The following TRPM2 variants were observed in gnomAD, a reference collection of about 807,000 sequenced individuals.
TRPM2 encodes the protein estrogen-responsive element-associated gene 1 protein.
In TRPM2, 161 loss-of-function variants were observed where a neutral mutation model predicts 174.0. The observed-to-expected ratio is 0.93, with a 90% CI of 0.81 to 1.05. The LOEUF (loss-of-function observed/expected upper bound fraction) is 1.05. Among genes scored for constraint, TRPM2 ranks in the 50% least tolerant of loss-of-function variants. The pLI is 0.00. For missense variants in TRPM2, 2,057 were observed against 2,038.0 expected (o/e 1.01, Z -0.18); for synonymous variants, 954 against 861.3 (o/e 1.11, Z -1.88).
chr21:44,435,003 G>C, intron 27 of TRPM2, 128 bp from the exon 28 acceptor site: 1 of 860,854 alleles, frequency 1.2e-6, no homozygotes, highest in Non-Finnish European at 1.9e-6. Context: ...GGTCTCTAAA[G>C]AAGCCTGCAT....
Position 44,440,836 on chromosome 21 carries a change from G to T in TRPM2, c.4317G>T (p.Trp1439Cys). 6.2e-7 allele frequency: 1 copy of T among 1,613,990 alleles called. No individual in the cohort carries two copies. The highest frequency in any genetic ancestry group is 8.5e-7 in the Non-Finnish European group (1 of 1,179,998). ...ACCCGAGGAACACGGACAATGCCTG[G>T]ATCGAGACGGTGGCCGTCAGCGTCC... is the stretch of plus-strand genomic sequence containing the variant. ...MDDPRNTDNAWIETVAVSVHF... is the reference protein window; with the variant it reads ...MDDPRNTDNACIETVAVSVHF... Residue 1439 changes from tryptophan (W) to cysteine (C), a missense_variant, in exon 31 of 32, where the codon TGG becomes TGT. By Grantham distance (215) the Trp-to-Cys change is radical. Transcript: ENST00000397928.
intron 27 of TRPM2, among the ~76,000 whole-genome samples, chr21:44,427,378 C>T (rs761109906): frequency 2.0e-5 from 3 of 152,104 alleles, no homozygotes; most frequent in Non-Finnish European, 1.5e-5. Context: ...TGTCTGTGTA[C>T]GTGGGGATGG....
rs765279384 is a variant in TRPM2 at position 44,369,163 on chromosome 21, T to C, written c.605-14T>C. 1.3e-6 allele frequency: 2 copies of C among 1,592,096 alleles called. No homozygotes were observed. Among genetic ancestry groups the C allele is most frequent in the Non-Finnish European group, 1.7e-6 (2 of 1,168,462 alleles). ...CAGTGCTGTGGGGCCTGCCCACCCG[T>C]GCTCCTTCCCCAGGGGCCTGGATCA... On this transcript the variant is annotated splice_polypyrimidine_tract_variant and intron_variant, in intron 4 of 31. Transcript: ENST00000397928.
chr21:44,441,981 T>A lies in TRPM2; in HGVS notation c.*164T>A. 9.4e-7 allele frequency: 1 copy of A among 1,065,336 alleles called. No individual in the cohort carries two copies. The highest frequency in any genetic ancestry group is 1.3e-6 in the Non-Finnish European group (1 of 793,690). 66.0% of individuals were successfully genotyped at this position (1,065,336 alleles called of 1,614,324 possible). A position where few individuals can be genotyped will look rare whatever the true frequency, so the allele number is the denominator to read the frequency against. On this transcript the variant is annotated 3_prime_UTR_variant, in exon 32 of 32. Transcript: ENST00000397928. ...ACGGCTGCCGCAAGTCTGCTGCAGA[T>A]GACCTCATGAACTGGAAGGGGTCAA... is the stretch of plus-strand genomic sequence containing the variant.
intron 12 of TRPM2, among the ~76,000 whole-genome samples, chr21:44,395,915 G>A (rs866252765): frequency 7.0e-5 from 4 of 57,096 alleles, no homozygotes; most frequent in South Asian, 8.1e-4. Context: ...GGGGTGTGGA[G>A]GCTGTGGAGG....
In TRPM2 at chr21:44,397,942, C is replaced by T; in HGVS notation, c.2062+66C>T. 7 of 1,482,954 alleles carry T rather than the reference C, an allele frequency of 4.7e-6. No individual in the cohort carries two copies. In the South Asian group the frequency reaches 1.0e-4, roughly 21 times the overall value. 91.9% of individuals were successfully genotyped at this position (1,482,954 alleles called of 1,614,324 possible). A position where few individuals can be genotyped will look rare whatever the true frequency, so the allele number is the denominator to read the frequency against. ...CGTGCATGCCCTCACCTGGAGTTCC[C>T]ATCCCTGGGTCTCAGCCCCATGTGC... On this transcript the variant is annotated intron_variant, in intron 13 of 31. Coordinates refer to ENST00000397928, the MANE Select transcript of TRPM2 (RefSeq NM_003307.4).
At chr21:44,426,927 G>A in intron 26 of TRPM2, 83 bp from the exon 27 acceptor site, 10 of 1,443,278 alleles carry the variant, frequency 6.9e-6, no homozygotes, top group Admixed American at 2.1e-5. Context: ...CTGGGCCCTT[G>A]GTGGGGGGGT....
At chr21:44,400,429 C>A in intron 15 of TRPM2, 58 bp downstream of exon 15, 1 of 1,461,130 alleles carries the variant, frequency 6.8e-7, no homozygotes, top group Non-Finnish European at 9.4e-7. Context: ...GGGAGAGGCT[C>A]CTGGGGGCTC....
intron 24 of TRPM2, chr21:44,425,168 CG>C: frequency 1.8e-6 from 1 of 543,554 alleles, no homozygotes; most frequent in Non-Finnish European, 3.3e-6. Flanking sequence ...TGGACGTCCA[CG>C]GGGAGGCCTG....
chr21:44,369,538 T>G (rs1382699354), intron 5 of TRPM2, among the ~76,000 whole-genome samples, 195 bp downstream of exon 5: 1 of 66,152 alleles, frequency 1.5e-5, no homozygotes, highest in South Asian at 5.3e-4. Flanking sequence ...GGGGAGCAGG[T>G]GGAGTGTGCG....
intron 2 of TRPM2, among the ~76,000 whole-genome samples, chr21:44,361,070 C>T (rs569498288): frequency 3.3e-5 from 5 of 152,286 alleles, no homozygotes; most frequent in African/African-American, 7.2e-5. Context: ...TGGAATCATA[C>T]GCTACATGAC....
chr21:44,390,219 A>G (rs1481266284), intron 9 of TRPM2, among the ~76,000 whole-genome samples: 2 of 152,134 alleles, frequency 1.3e-5, no homozygotes, highest in African/African-American at 2.4e-5. Context: ...GTCATAGCTA[A>G]GAGATCTCTG....
chr21:44,392,004 G>A (rs370551133), intron 11 of TRPM2, among the ~76,000 whole-genome samples: 38 of 151,908 alleles, frequency 2.5e-4, no homozygotes, highest in Admixed American at 1.4e-3. Flanking sequence ...TCACTCTGTC[G>A]TCCAGGCTGG....
At chr21:44,425,449 GGCAGGT>G in intron 24 of TRPM2, 1 of 478,800 alleles carries the variant, frequency 2.1e-6, no homozygotes, top group Non-Finnish European at 3.6e-6. Flanking sequence ...TGCACAAAGA[GGCAGGT>G]GCCGGCGGGG....
At position 44,437,154 on chromosome 21, in the gene TRPM2, G is replaced by A. The variant is rs1451869894; in HGVS notation, c.4154G>A (p.Trp1385Ter). 6.4e-7 allele frequency: 1 copy of A among 1,551,110 alleles called. No homozygotes were observed. The highest frequency in any genetic ancestry group is 1.4e-5 in the African/African-American group (1 of 73,046). The change falls in exon 29 of 32, where the codon TGG (tryptophan) becomes TAG (stop). Residue 1385 changes from tryptophan to a stop codon, truncating the protein, a stop_gained. Coordinates refer to ENST00000397928, the MANE Select transcript of TRPM2 (RefSeq NM_003307.4). LOFTEE classifies it high-confidence loss of function. ...GTGAAGCTCCCTCTCTCCGAGCACT[G>A]GGCCCTGCCTGGGGTAAGGCTGCCG... ...LVVKLPLSEH[W>*]ALPGGSREPG...
intron 13 of TRPM2, among the ~76,000 whole-genome samples, chr21:44,398,340 A>G (rs1012624716): frequency 1.3e-5 from 2 of 151,868 alleles, no homozygotes; most frequent in Admixed American, 6.6e-5. Context: ...AGCTGGGATT[A>G]CAGCTGCCTG....
At chr21:44,408,100 C>T (rs141415473) in intron 19 of TRPM2, among the ~76,000 whole-genome samples, 11 of 151,928 alleles carry the variant, frequency 7.2e-5, no homozygotes, top group African/African-American at 2.7e-4. Flanking sequence ...CACCTGCTAC[C>T]ACGCTTGGCT....
chr21:44,359,757 A>ATT (rs59713228), intron 2 of TRPM2, among the ~76,000 whole-genome samples: 26,889 of 147,926 alleles, frequency 0.18, 2,642 homozygotes, highest in African/African-American at 0.23. Flanking sequence ...ATATATATAT[A>ATT]TTTTTTTTGA....
At chr21:44,440,205 C>T (rs113902996) in intron 30 of TRPM2, among the ~76,000 whole-genome samples, 13,740 of 149,804 alleles carry the variant, frequency 0.092, 1,806 homozygotes, top group African/African-American at 0.29. Context: ...GGCCTGATGG[C>T]GCACACCTGT....
Sources: allele counts gnomAD v4.1 joint callset (sites outside exome capture counted in the v4.1 genomes callset), GRCh38; gene constraint gnomAD v4.1.1; transcripts MANE v1.5; gene names NCBI Gene and HGNC (gene_info 2026-07-23, HGNC 2026-07-21).